The following ZC3H15 variants were observed in gnomAD, a reference collection of about 807,000 sequenced individuals.
The protein encoded by ZC3H15 is zinc finger CCCH-type containing 15, also known as zinc finger CCCH domain-containing protein 15.
A neutral mutation model predicts 51.2 loss-of-function variants in ZC3H15; 15 were observed. The observed-to-expected ratio is 0.29, with a 90% CI of 0.20 to 0.45. The LOEUF (loss-of-function observed/expected upper bound fraction) is 0.45, where lower values mean the gene tolerates loss of function less well. Among genes scored for constraint, ZC3H15 ranks in the 20% least tolerant of loss-of-function variants. The pLI is 1.00. For synonymous variants in ZC3H15, 144 were observed against 162.8 expected, an observed-to-expected ratio of 0.88 and a Z score of 0.88; for missense variants, 381 against 494.7, an observed-to-expected ratio of 0.77 and a Z score of 2.18.
At chr2:186,506,613 A>G (rs1391281129) in intron 8 of ZC3H15, 100 bp from the exon 9 acceptor site, 12 of 1,359,098 alleles carry the variant, frequency 8.8e-6, no homozygotes, top group Non-Finnish European at 1.1e-5. Flanking sequence ...TTTTGTTTTC[A>G]CTTGGATCAG....
At position 186,505,834 on chromosome 2, in the gene ZC3H15, G is replaced by T. The variant is rs1200577470; in HGVS notation, c.959G>T (p.Gly320Val). ...ACCCGCTACACCCAGGGAACAGGTG[G>T]TGATGAGGTAAGAGGAAGCTTTGTG... ...DDTRYTQGTG[G>V]DEVDDSVSVN... is the part of the protein sequence containing the mutation. The change falls in exon 8 of 10, where the codon GGT (glycine) becomes GTT (valine). Residue 320 changes from glycine to valine, a missense_variant. Physicochemically the swap from Gly to Val is moderately radical, Grantham distance 109. Around this residue, in one of 3 missense-constraint regions of ZC3H15, gnomAD observed 215 missense variants for 241.8 expected, o/e 0.89. Coordinates refer to ENST00000337859, the MANE Select transcript of ZC3H15 (RefSeq NM_018471.3). 1.2e-6 allele frequency: 2 copies of T among 1,613,854 alleles called. No homozygotes were observed. Among genetic ancestry groups the T allele is most frequent in the South Asian group, 2.2e-5 (2 of 90,968 alleles).
chr2:186,502,865 T>G (rs892457495), intron 5 of ZC3H15, among the ~76,000 whole-genome samples: 2 of 152,114 alleles, frequency 1.3e-5, no homozygotes, highest in Non-Finnish European at 2.9e-5. Context: ...ATAAACAAAA[T>G]TACATATCCA....
intron 1 of ZC3H15, among the ~76,000 whole-genome samples, chr2:186,490,103 T>A (rs932821553): frequency 3.8e-4 from 58 of 152,024 alleles, no homozygotes; most frequent in Non-Finnish European, 2.1e-4. Flanking sequence ...TAATATTGCC[T>A]CCATTTTTTT....
intron 1 of ZC3H15, among the ~76,000 whole-genome samples, chr2:186,490,804 G>C (rs753829807): frequency 2.0e-5 from 3 of 152,272 alleles, no homozygotes; most frequent in East Asian, 1.9e-4. Context: ...AAGGCTCTTG[G>C]AGCCTCAGGA....
intron 4 of ZC3H15, 34 bp from the exon 5 acceptor site, chr2:186,502,462 G>C (rs10497670): frequency 0.018 from 27,176 of 1,539,522 alleles, 302 homozygotes; most frequent in Non-Finnish European, 0.022. Flanking sequence ...TAGTAGATAA[G>C]ATTACAGTAT....
chr2:186,504,578 G>A, intron 6 of ZC3H15, among the ~76,000 whole-genome samples: 1 of 152,196 alleles, frequency 6.6e-6, no homozygotes, highest in South Asian at 2.1e-4. Context: ...TTAGTTATTA[G>A]CATATGTACG....
chr2:186,501,414 A>G lies in ZC3H15; in HGVS notation c.431A>G (p.Glu144Gly), dbSNP rs764698672. 3.7e-6 allele frequency: 6 copies of G among 1,606,542 alleles called. No individual in the cohort carries two copies. Among genetic ancestry groups the G allele is most frequent in the Non-Finnish European group, 8.5e-7 (1 of 1,177,504 alleles). The change falls in exon 4 of 10, where the codon GAA (glutamate) becomes GGA (glycine). Residue 144 changes from glutamate (E) to glycine (G), a missense_variant. Glu to Gly is a moderately conservative substitution (Grantham distance 98). Transcript: ENST00000337859. ...GTTTACATTGATGCAAGAGATGAAG[A>G]ACTTGAAAAAGGTAATTTTTTTAAA... ...RSVYIDARDEELEKDTMDNWD... is the reference protein window; with the variant it reads ...RSVYIDARDEGLEKDTMDNWD...
At chr2:186,491,394 T>A (rs1316754947) in intron 1 of ZC3H15, among the ~76,000 whole-genome samples, 1 of 152,186 alleles carries the variant, frequency 6.6e-6, no homozygotes, top group Non-Finnish European at 1.5e-5. Flanking sequence ...ATATGTATTA[T>A]TACCCTTTTT....
intron 9 of ZC3H15, chr2:186,507,548 A>T: frequency 4.4e-6 from 2 of 450,954 alleles, no homozygotes; most frequent in Non-Finnish European, 8.9e-6. Flanking sequence ...TGAGTTAGGT[A>T]TGAGAATGGA....
chr2:186,502,270 C>T (rs879015649), intron 4 of ZC3H15, among the ~76,000 whole-genome samples: 5 of 151,924 alleles, frequency 3.3e-5, no homozygotes, highest in South Asian at 4.1e-4. Flanking sequence ...AGGAATTGAT[C>T]GAGCTCAGTC....
At chr2:186,504,237 C>A (rs200099931) in intron 6 of ZC3H15, 23 bp downstream of exon 6, 14 of 1,521,050 alleles carry the variant, frequency 9.2e-6, no homozygotes, top group South Asian at 1.3e-5. Flanking sequence ...CTTTTCCTAC[C>A]ATAAAAACTG....
chr2:186,499,595 T>G (rs370901212), intron 2 of ZC3H15: 11 of 456,050 alleles, frequency 2.4e-5, no homozygotes, highest in African/African-American at 2.0e-4. Context: ...GTCTTTTCAT[T>G]GTATTCTCTG....
At chr2:186,506,058 G>T (rs1266207013) in intron 8 of ZC3H15, 2 of 648,070 alleles carry the variant, frequency 3.1e-6, no homozygotes, top group East Asian at 2.9e-5. Flanking sequence ...TCGAGTTCAT[G>T]AATTAGTAGT....
intron 4 of ZC3H15, 44 bp from the exon 5 acceptor site, chr2:186,502,452 T>C: frequency 6.9e-7 from 1 of 1,456,468 alleles, no homozygotes; most frequent in Non-Finnish European, 9.5e-7. Flanking sequence ...GTTGTGGGAG[T>C]AGTAGATAAG....
At chr2:186,487,484 G>A (rs1464416142) in intron 1 of ZC3H15, 1 of 152,218 alleles carries the variant, frequency 6.6e-6, no homozygotes, top group Non-Finnish European at 1.5e-5. Flanking sequence ...TCTGCTCATT[G>A]GATTTAAGAA....
chr2:186,500,157 C>T (rs780271711), intron 2 of ZC3H15, 25 bp from the exon 3 acceptor site: 1 of 1,571,450 alleles, frequency 6.4e-7, no homozygotes, highest in East Asian at 2.2e-5. Context: ...ATCAAATTTA[C>T]ATTTTAAACC....
chr2:186,500,438 G>A, intron 3 of ZC3H15, 145 bp downstream of exon 3: 2 of 745,622 alleles, frequency 2.7e-6, no homozygotes, highest in Non-Finnish European at 4.5e-6. Flanking sequence ...CTATGTCAGT[G>A]GGTTGCTTAT....
intron 2 of ZC3H15, among the ~76,000 whole-genome samples, chr2:186,495,575 A>G (rs139329204): frequency 6.6e-6 from 1 of 152,286 alleles, no homozygotes; most frequent in African/African-American, 2.4e-5. Flanking sequence ...GGTGTGTTAT[A>G]TTCATCTATT....
chr2:186,487,282 TC>T (rs1685113766), intron 1 of ZC3H15: 1 of 152,220 alleles, frequency 6.6e-6, no homozygotes, highest in African/African-American at 2.4e-5. Context: ...GCACTTGTTT[TC>T]CAACAACTGA....
Sources: gnomAD v4.1 joint callset for allele counts (sites outside exome capture counted in the v4.1 genomes callset) on GRCh38, gnomAD v4.1.1 for gene constraint, gnomAD v4.1.1 regional missense constraint, MANE v1.5 for transcripts, NCBI Gene and HGNC (gene_info 2026-07-23, HGNC 2026-07-21) for gene names.